The following IMPDH2 variants were observed in gnomAD, a reference collection of about 807,000 sequenced individuals.
The protein encoded by IMPDH2 is inosine monophosphate dehydrogenase 2, also known as inosine-5'-monophosphate dehydrogenase 2.
Under a neutral mutation model 57.8 loss-of-function variants are expected in IMPDH2, and 33 were observed. That is an observed-to-expected ratio of 0.57 (90% CI 0.43 to 0.76). IMPDH2 has a LOEUF of 0.76. Among genes scored for constraint, IMPDH2 ranks in the 30% least tolerant of loss-of-function variants. The pLI is 0.00. For missense variants in IMPDH2, 446 were observed against 659.1 expected, an observed-to-expected ratio of 0.68 and a Z score of 3.54; for synonymous variants, 270 against 241.3, an observed-to-expected ratio of 1.12 and a Z score of -1.10.
chr3:49,025,325 C>A (rs2093193531), intron 9 of IMPDH2, 56 bp from the exon 10 acceptor site: 8 of 1,600,906 alleles, frequency 5.0e-6, no homozygotes, highest in Middle Eastern at 1.7e-4. Flanking sequence ...GGGCAGTGGA[C>A]CCTGTGGCCA....
chr3:49,026,290 G>C (rs1164913883), intron 9 of IMPDH2, 34 bp downstream of exon 9: 2 of 1,432,212 alleles, frequency 1.4e-6, no homozygotes, highest in African/African-American at 2.8e-5. Context: ...CTGAAACTGG[G>C]GTCTCTGTGG....
At chr3:49,027,969 G>C in intron 4 of IMPDH2, 53 bp from the exon 5 acceptor site, 2 of 1,359,166 alleles carry the variant, frequency 1.5e-6, no homozygotes, top group Middle Eastern at 2.3e-4. Flanking sequence ...CTTTCATCAG[G>C]CTCTTGATCT....
chr3:49,028,042 A>G lies in IMPDH2; in HGVS notation c.325-126T>C, dbSNP rs536165228. 6 of 831,228 alleles carry G rather than the reference A, an allele frequency of 7.2e-6. No individual in the cohort carries two copies. The South Asian group carries it at 7.6e-5, about 11-fold the overall frequency. 51.5% of individuals were successfully genotyped at this position (831,228 alleles called of 1,614,324 possible). On this transcript the variant is annotated intron_variant, in intron 4 of 13. Transcript: ENST00000326739. ...TGCCACAAGACCAAATCACACCAAC[A>G]CATCTTAGAGACATGGGTAGGCTGG...
intron 5 of IMPDH2, 25 bp downstream of exon 5, chr3:49,027,685 G>A: frequency 6.3e-7 from 1 of 1,598,380 alleles, no homozygotes; most frequent in Non-Finnish European, 8.6e-7. Flanking sequence ...CTAGAGCTTG[G>A]ATCTACTCTG....
At chr3:49,025,312 G>T in intron 9 of IMPDH2, 43 bp from the exon 10 acceptor site, 1 of 1,610,910 alleles carries the variant, frequency 6.2e-7, no homozygotes, top group Non-Finnish European at 8.5e-7. Context: ...GGTTAATGGG[G>T]ACGGGCAGTG....
At position 49,026,369 on chromosome 3, in the gene IMPDH2, G is replaced by T. The variant is rs1380672425; in HGVS notation, c.961C>A (p.Leu321Met). The T allele has an allele frequency of 3.7e-6, 6 of 1,613,764 alleles. No homozygotes were observed. The highest frequency in any genetic ancestry group is 5.1e-6 in the Non-Finnish European group (6 of 1,179,844). Residue 321 changes from leucine (L) to methionine (M), a missense_variant, in exon 9 of 14, where the codon CTG becomes ATG. Physicochemically the swap from Leu to Met is conservative, Grantham distance 15 (BLOSUM62 2). Coordinates refer to ENST00000326739, the MANE Select transcript of IMPDH2 (RefSeq NM_000884.3). ...GAGCCACTTCCCATGCCCACCCGCAGGGCATCCACACCTGCATCAATGAGG... is the reference window on the plus strand; with the variant it reads ...GAGCCACTTCCCATGCCCACCCGCATGGCATCCACACCTGCATCAATGAGG... ...KNLIDAGVDA[L>M]RVGMGSGSIC...
chr3:49,027,385 A>G (rs948171793), intron 5 of IMPDH2, among the ~76,000 whole-genome samples: 3 of 152,200 alleles, frequency 2.0e-5, no homozygotes, highest in Admixed American at 6.5e-5. Context: ...AGTAGAAAGG[A>G]CAACATGGCA....
In IMPDH2 at chr3:49,029,368, G is replaced by A. The variant is rs566140810; in HGVS notation, c.-18C>T. 1.0e-4 allele frequency: 154 copies of A among 1,538,212 alleles called. No homozygotes were observed. In the South Asian group the frequency reaches 1.5e-3, roughly 15 times the overall value. The stretch of plus-strand genomic sequence containing the variant: ...TCGGCCATGGCCAACACAGGACACC[G>A]CCGCGTGTCTCCGAGGACCGCGCCG... On this transcript the variant is annotated 5_prime_UTR_variant, in exon 1 of 14. Coordinates refer to ENST00000326739, the MANE Select transcript of IMPDH2 (RefSeq NM_000884.3).
chr3:49,028,803 G>A lies in IMPDH2; in HGVS notation c.102C>T (p.Asp34=), dbSNP rs1395415170. Residue 34 remains aspartate, a synonymous_variant, in exon 2 of 14, where the codon GAC becomes GAT. Transcript: ENST00000326739. ...CGATGTACCCAGGGAGAATGAGAAAGTCACTGCGAGGGAAGGGAGTGAATT... is the reference window on the plus strand; with the variant it reads ...CGATGTACCCAGGGAGAATGAGAAAATCACTGCGAGGGAAGGGAGTGAATT... ...FNCGDGLTYN[D]FLILPGYIDF... The A allele has an allele frequency of 6.2e-7, 1 of 1,613,518 alleles. No individual in the cohort carries two copies. Among genetic ancestry groups the A allele is most frequent in the South Asian group, 1.1e-5 (1 of 91,072 alleles).
chr3:49,025,657 G>T (rs1056954432), intron 9 of IMPDH2, among the ~76,000 whole-genome samples: 1 of 152,244 alleles, frequency 6.6e-6, no homozygotes, highest in African/African-American at 2.4e-5. Flanking sequence ...GGCAAGATAA[G>T]GGCAGTGGTT....
intron 9 of IMPDH2, 90 bp from the exon 10 acceptor site, chr3:49,025,359 G>A: frequency 7.1e-7 from 1 of 1,406,558 alleles, no homozygotes. Flanking sequence ...GGAGCTTTTG[G>A]CTACATCTGC....
rs2093202712 is a variant in IMPDH2, at chr3:49,027,063, G to A, written c.532-16C>T. On this transcript the variant is annotated splice_polypyrimidine_tract_variant and intron_variant, in intron 5 of 13. Transcript: ENST00000326739. The stretch of plus-strand genomic sequence containing the variant: ...TTGTCATTATCTACGTGGGAGGTGA[G>A]ATGTGAAGAAGGGCCAGTCATCGAC... 1 of 1,586,426 alleles carries A rather than the reference G, an allele frequency of 6.3e-7. No homozygotes were observed. The highest frequency in any genetic ancestry group is 8.7e-7 in the Non-Finnish European group (1 of 1,154,892).
At chr3:49,025,534 C>G (rs1017818610) in intron 9 of IMPDH2, 1 of 482,272 alleles carries the variant, frequency 2.1e-6, no homozygotes, top group African/African-American at 2.0e-5. Context: ...TCTTAGCAGC[C>G]GGGAAAGCCC....
Position 49,028,480 on chromosome 3 carries a change from G to A in IMPDH2, c.200C>T (p.Ser67Phe). ...KKITLKTPLV[S>F]SPMDTVTEAG... is the part of the protein sequence containing the mutation. ...CTCTGTGACTGTGTCCATGGGAGAG[G>A]AAACCAGTGGGGTCTTAAGAGTGAT... The change falls in exon 3 of 14, where the codon TCC becomes TTC. Residue 67 changes from serine to phenylalanine, a missense_variant. Ser to Phe is a radical substitution (Grantham distance 155). Transcript: ENST00000326739. 1 of 1,614,176 alleles carries A rather than the reference G, an allele frequency of 6.2e-7. No homozygotes were observed. Among genetic ancestry groups the A allele is most frequent in the South Asian group, 1.1e-5 (1 of 91,074 alleles).
intron 12 of IMPDH2, 31 bp downstream of exon 12, chr3:49,024,628 C>T (rs1367102827): frequency 1.2e-6 from 2 of 1,614,256 alleles, no homozygotes; most frequent in South Asian, 1.1e-5. Context: ...GGACCAGCCC[C>T]TCTACCCATG....
chr3:49,028,587 T>C (rs2093209986), intron 2 of IMPDH2, 55 bp from the exon 3 acceptor site: 2 of 1,466,302 alleles, frequency 1.4e-6, no homozygotes, highest in Admixed American at 3.4e-5. Flanking sequence ...CCTCAAGGTG[T>C]TACTGAGTCC....
In IMPDH2 at chr3:49,029,355, A is replaced by G. The variant is rs1042451945; in HGVS notation, c.-5T>C. ...ACTAATCAGGTAGTCGGCCATGGCCAACACAGGACACCGCCGCGTGTCTCC... is the reference window on the plus strand; with the variant it reads ...ACTAATCAGGTAGTCGGCCATGGCCGACACAGGACACCGCCGCGTGTCTCC... On this transcript the variant is annotated 5_prime_UTR_variant, in exon 1 of 14. Transcript: ENST00000326739. 6.3e-7 allele frequency: 1 copy of G among 1,578,668 alleles called. No individual in the cohort carries two copies. The highest frequency in any genetic ancestry group is 8.6e-7 in the Non-Finnish European group (1 of 1,159,318).
rs776234281 is a variant in IMPDH2, at chr3:49,026,732, A to G, written c.774T>C (p.Tyr258=). The change falls in exon 7 of 14, where the codon TAT becomes TAC. Residue 258 remains tyrosine (Y), a synonymous_variant. Coordinates refer to ENST00000326739, the MANE Select transcript of IMPDH2 (RefSeq NM_000884.3). ...AAIGTHEDDK[Y]RLDLLAQAGV... is the part of the protein sequence containing the mutation. ...CAGCCTGGGCGAGCAAGTCCAGCCT[A>G]TACTTGTCATCCTCATGAGTGCCAA... 1.2e-6 allele frequency: 2 copies of G among 1,614,236 alleles called. No homozygotes were observed. Among genetic ancestry groups the G allele is most frequent in the Non-Finnish European group, 1.7e-6 (2 of 1,180,040 alleles).
rs946285651 is a variant in IMPDH2 at position 49,026,289 on chromosome 3, G to A, written c.1006+35C>T. 6 of 1,422,122 alleles carry A rather than the reference G, an allele frequency of 4.2e-6. No individual in the cohort carries two copies. In the African/African-American group the frequency reaches 7.1e-5, roughly 17 times the overall value. 88.1% of individuals were successfully genotyped at this position (1,422,122 alleles called of 1,614,324 possible). A position where few individuals can be genotyped will look rare whatever the true frequency, so the allele number is the denominator to read the frequency against. On this transcript the variant is annotated intron_variant, in intron 9 of 13. Transcript: ENST00000326739. ...CCAAGGTATGTGGGGCCTGAAACTG[G>A]GGTCTCTGTGGGCCCTATCAAAGTA... is the stretch of plus-strand genomic sequence containing the variant.
Sources: gnomAD v4.1 joint callset for allele counts (sites outside exome capture counted in the v4.1 genomes callset) on GRCh38, gnomAD v4.1.1 for gene constraint, MANE v1.5 for transcripts, NCBI Gene and HGNC (gene_info 2026-07-23, HGNC 2026-07-21) for gene names.